Variants in MOGAT1 observed in about 807,000 individuals in gnomAD.
MOGAT1 encodes monoacylglycerol O-acyltransferase 1, also known as 2-acylglycerol O-acyltransferase 1.
Under a neutral mutation model 31.4 loss-of-function variants are expected in MOGAT1, and 32 were observed. The ratio of observed to expected loss-of-function variants is 1.02; its 90% confidence interval spans 0.77 to 1.37. The LOEUF is 1.37. MOGAT1 is among the 40% of genes most tolerant of loss of function. The probability of loss-of-function intolerance (pLI) is 0.00; values close to 1 mark genes in which losing one functional copy is unlikely to be tolerated. For synonymous variants in MOGAT1, 145 were observed against 144.5 expected, an observed-to-expected ratio of 1.00 and a Z score of -0.03; for missense variants, 426 against 402.0, an observed-to-expected ratio of 1.06 and a Z score of -0.51.
chr2:222,677,722 G>C (rs1036449334), intron 1 of MOGAT1: 6 of 413,590 alleles, frequency 1.5e-5, no homozygotes, highest in Non-Finnish European at 2.4e-5. Context: ...TTTCCGTGTC[G>C]ATTCTGGTGA....
rs1444662688 is a variant in MOGAT1 at position 222,695,083 on chromosome 2, T to C, written c.654-6T>C. Reference sequence around the variant, plus strand: ...AAATTCTCACCCGTCCCCTTTGTTATTGCAGCGCCTCTCTGGTCCCAGTGG... The same window carrying C: ...AAATTCTCACCCGTCCCCTTTGTTACTGCAGCGCCTCTCTGGTCCCAGTGG... On this transcript the variant is annotated splice_polypyrimidine_tract_variant and splice_region_variant and intron_variant, in intron 4 of 5. Coordinates refer to ENST00000446656, the MANE Select transcript of MOGAT1 (RefSeq NM_058165.3). The C allele has an allele frequency of 6.3e-7, 1 of 1,582,814 alleles. No individual in the cohort carries two copies. Among genetic ancestry groups the C allele is most frequent in the African/African-American group, 1.4e-5 (1 of 73,454 alleles).
At chr2:222,677,642 C>A in intron 1 of MOGAT1, 1 of 335,510 alleles carries the variant, frequency 3.0e-6, no homozygotes, top group Non-Finnish European at 5.9e-6. Context: ...AGGGCTTTTC[C>A]TGGAGGCTGA....
intron 1 of MOGAT1, among the ~76,000 whole-genome samples, chr2:222,687,038 C>T (rs1297910860): frequency 1.4e-5 from 2 of 140,620 alleles, no homozygotes; most frequent in South Asian, 2.2e-4. Context: ...CGCTTGAACC[C>T]AGGAGGCAGA....
At chr2:222,683,263 G>A (rs1349617323) in intron 1 of MOGAT1, among the ~76,000 whole-genome samples, 5 of 152,022 alleles carry the variant, frequency 3.3e-5, no homozygotes, top group African/African-American at 1.2e-4. Context: ...GGAGCTGAGG[G>A]AGGAATGGGG....
At chr2:222,708,078 GT>G (rs1693032888) in intron 5 of MOGAT1, among the ~76,000 whole-genome samples, 1 of 151,754 alleles carries the variant, frequency 6.6e-6, no homozygotes. Flanking sequence ...TTTTTTTGTT[GT>G]TGTTTGTTTG....
rs116921349 is a variant in MOGAT1 at position 222,683,997 on chromosome 2, A to G, written c.95-4347A>G. On this transcript the variant is annotated intron_variant, in intron 1 of 5. Coordinates refer to ENST00000446656, the MANE Select transcript of MOGAT1 (RefSeq NM_058165.3). ...ATCTTCCTCTTCTCTTTGAACTCCAATTTAGAAGAATCAGATTACCCTGAA... is the reference window on the plus strand; with the variant it reads ...ATCTTCCTCTTCTCTTTGAACTCCAGTTTAGAAGAATCAGATTACCCTGAA... 1.7e-4 allele frequency among the ~76,000 whole-genome samples: 26 copies of G among 152,338 alleles called. No individual in the cohort carries two copies. In the East Asian group the frequency reaches 4.8e-3, roughly 28 times the overall value.
At chr2:222,692,959 C>T (rs549555715) in intron 3 of MOGAT1, among the ~76,000 whole-genome samples, 2 of 152,182 alleles carry the variant, frequency 1.3e-5, no homozygotes, top group Admixed American at 1.3e-4. Context: ...CCCATCTAGG[C>T]AGGCTCAGGC....
At chr2:222,679,581 T>A (rs934063290) in intron 1 of MOGAT1, among the ~76,000 whole-genome samples, 1 of 152,188 alleles carries the variant, frequency 6.6e-6, no homozygotes, top group African/African-American at 2.4e-5. Context: ...ATTACCCAAA[T>A]CAGAAAAATA....
intron 3 of MOGAT1, among the ~76,000 whole-genome samples, chr2:222,691,231 G>A (rs1374735431): frequency 6.6e-6 from 1 of 150,906 alleles, no homozygotes; most frequent in Admixed American, 6.6e-5. Context: ...TTGAGACGGA[G>A]TTTCGCTCTT....
intron 5 of MOGAT1, among the ~76,000 whole-genome samples, chr2:222,700,507 T>G (rs1233536078): frequency 1.3e-5 from 2 of 152,254 alleles, no homozygotes; most frequent in Non-Finnish European, 2.9e-5. Context: ...TGTATCATCC[T>G]CAATATCCCG....
chr2:222,685,358 G>T (rs553235989), intron 1 of MOGAT1, among the ~76,000 whole-genome samples: 3 of 152,198 alleles, frequency 2.0e-5, no homozygotes, highest in Admixed American at 6.5e-5. Context: ...TTGGAAACAG[G>T]AGCTGTCATA....
rs746048377 is a variant in MOGAT1, at chr2:222,709,895, A to T, written c.*5A>T. 1 of 1,572,952 alleles carries T rather than the reference A, an allele frequency of 6.4e-7. No individual in the cohort carries two copies. The highest frequency in any genetic ancestry group is 1.9e-5 in the Admixed American group (1 of 52,464). ...GAGACTCTTGTTTTAAAATGACTTG[A>T]CTATAAAAAAAAATTAAAAAATAAA... On this transcript the variant is annotated 3_prime_UTR_variant, in exon 6 of 6. Transcript: ENST00000446656.
chr2:222,688,594 A>G, intron 2 of MOGAT1, 72 bp downstream of exon 2: 1 of 1,078,154 alleles, frequency 9.3e-7, no homozygotes, highest in South Asian at 1.7e-5. Context: ...CATCACATAT[A>G]TCTCAAGCTT....
chr2:222,709,296 G>T (rs375510336), intron 5 of MOGAT1, among the ~76,000 whole-genome samples: 26 of 152,314 alleles, frequency 1.7e-4, no homozygotes, highest in African/African-American at 6.3e-4. Flanking sequence ...ACTCCAGCCT[G>T]GGTGACAGAG....
At chr2:222,684,800 C>G (rs1483570688) in intron 1 of MOGAT1, among the ~76,000 whole-genome samples, 1 of 152,146 alleles carries the variant, frequency 6.6e-6, no homozygotes, top group Admixed American at 6.5e-5. Context: ...TGGTCTCAAA[C>G]GCCTGACCTC....
intron 5 of MOGAT1, among the ~76,000 whole-genome samples, chr2:222,701,298 A>AGGAG (rs1559233884): frequency 2.1e-4 from 20 of 93,224 alleles, no homozygotes; most frequent in African/African-American, 9.8e-4. Context: ...GAGGAGGAGG[A>AGGAG]GGAGAGAGAG....
intron 5 of MOGAT1, among the ~76,000 whole-genome samples, chr2:222,698,041 A>G (rs1692860849): frequency 6.6e-6 from 1 of 152,226 alleles, no homozygotes; most frequent in Admixed American, 6.5e-5. Flanking sequence ...ACATATGTTT[A>G]TAAGACATTG....
intron 1 of MOGAT1, among the ~76,000 whole-genome samples, chr2:222,685,671 G>A (rs1692653740): frequency 6.7e-6 from 1 of 148,194 alleles, no homozygotes; most frequent in African/African-American, 2.5e-5. Flanking sequence ...TGCGATCTCG[G>A]CTCACTACAA....
At chr2:222,693,661 C>T (rs1010911108) in intron 3 of MOGAT1, among the ~76,000 whole-genome samples, 1 of 151,860 alleles carries the variant, frequency 6.6e-6, no homozygotes. Flanking sequence ...CAGGGAAACT[C>T]CTCTTTATGA....
Sources: allele counts gnomAD v4.1 joint callset (sites outside exome capture counted in the v4.1 genomes callset), GRCh38; gene constraint gnomAD v4.1.1; transcripts MANE v1.5; gene names NCBI Gene and HGNC (gene_info 2026-07-23, HGNC 2026-07-21).